CACNA2D3: variants seen among roughly 807,000 people sequenced by gnomAD.
The protein encoded by CACNA2D3 is voltage-dependent calcium channel subunit alpha-2/delta-3.
Under a neutral mutation model 160.6 loss-of-function variants are expected in CACNA2D3, and 60 were observed. The observed-to-expected ratio is 0.37, with a 90% CI of 0.30 to 0.46. CACNA2D3 has a LOEUF of 0.46. Ranked by LOEUF, CACNA2D3 falls within the 20% of genes least tolerant of loss-of-function variation. CACNA2D3 has a pLI of 1.00. For synonymous variants in CACNA2D3, 558 were observed against 492.9 expected (o/e 1.13, Z -1.75); for missense variants, 1,205 against 1,365.0 (o/e 0.88, Z 1.85).
chr3:54,491,812 C>A (rs1416968451), intron 4 of CACNA2D3, among the ~76,000 whole-genome samples: 15 of 152,136 alleles, frequency 9.9e-5, no homozygotes, highest in Admixed American at 9.8e-4. Flanking sequence ...CTGGATAGTT[C>A]TTTGCAGAAA....
intron 2 of CACNA2D3, among the ~76,000 whole-genome samples, chr3:54,232,667 G>T (rs564078403): frequency 6.6e-6 from 1 of 152,178 alleles, no homozygotes; most frequent in African/African-American, 2.4e-5. Flanking sequence ...GTTTTTCCCT[G>T]TGTGGCTCTT....
chr3:54,307,923 A>G (rs924951796), intron 2 of CACNA2D3, among the ~76,000 whole-genome samples: 4 of 152,212 alleles, frequency 2.6e-5, no homozygotes, highest in African/African-American at 9.6e-5. Context: ...TTGAGCTGGG[A>G]TTAAGGAAGT....
intron 29 of CACNA2D3, among the ~76,000 whole-genome samples, chr3:54,983,982 G>C (rs1702560269): frequency 6.6e-6 from 1 of 152,120 alleles, no homozygotes; most frequent in Non-Finnish European, 1.5e-5. Context: ...TTATAAGTCT[G>C]AGCTACCAAA....
At chr3:54,425,785 G>A (rs1400216987) in intron 4 of CACNA2D3, among the ~76,000 whole-genome samples, 1 of 152,220 alleles carries the variant, frequency 6.6e-6, no homozygotes, top group African/African-American at 2.4e-5. Flanking sequence ...GGCTAGAGAA[G>A]GGATGAGTTC....
intron 2 of CACNA2D3, among the ~76,000 whole-genome samples, chr3:54,303,818 G>GTTTTT (rs71617795): frequency 1.5e-4 from 17 of 115,000 alleles, no homozygotes; most frequent in East Asian, 2.5e-4. Context: ...CTTTTTTTCT[G>GTTTTT]TTTTTTTTTT....
chr3:54,691,174 C>A (rs925172287), intron 11 of CACNA2D3, among the ~76,000 whole-genome samples: 4 of 152,140 alleles, frequency 2.6e-5, no homozygotes, highest in African/African-American at 9.7e-5. Context: ...TGATGGCTCA[C>A]CCCTGTGTGA....
At chr3:54,575,602 T>C (rs1282411231) in intron 8 of CACNA2D3, among the ~76,000 whole-genome samples, 9 of 152,140 alleles carry the variant, frequency 5.9e-5, no homozygotes, top group Admixed American at 5.9e-4. Context: ...GTGTGAGCCT[T>C]GTTTGGGGGC....
Position 54,646,299 on chromosome 3 carries a change from GT to G in CACNA2D3, c.1167+4064del, listed in dbSNP as rs965441223. Among the ~76,000 whole-genome samples, 6 of 150,522 alleles carry G rather than the reference GT, an allele frequency of 4.0e-5. 1 individual carries two copies. Among genetic ancestry groups the G allele is most frequent in the Admixed American group, 6.6e-5 (1 of 15,050 alleles). ...TGGGATATATGTGCAGGTTGTGCAG[GT>G]TTTTTACATAGGTAAACATGTGCCA... On this transcript the variant is annotated intron_variant, in intron 11 of 37. Coordinates refer to ENST00000474759, the MANE Select transcript of CACNA2D3 (RefSeq NM_018398.3).
intron 16 of CACNA2D3, among the ~76,000 whole-genome samples, chr3:54,839,498 C>G (rs1050084462): frequency 1.3e-5 from 2 of 152,158 alleles, no homozygotes; most frequent in African/African-American, 4.8e-5. Flanking sequence ...ACGAAGGGCT[C>G]CACTGGCTGC....
chr3:54,386,694 GTTTTTTTTTTT>G lies in CACNA2D3; in HGVS notation c.322-13_322-3del. 7.1e-7 allele frequency: 1 copy of G among 1,407,598 alleles called. No homozygotes were observed. The highest frequency in any genetic ancestry group is 9.4e-7 in the Non-Finnish European group (1 of 1,067,418). The allele number at this position is 1,407,598 out of a possible 1,614,324, so 87.2% of individuals were successfully genotyped here. A position where few individuals can be genotyped will look rare whatever the true frequency, so the allele number is the denominator to read the frequency against. On this transcript the variant is annotated splice_polypyrimidine_tract_variant and intron_variant, in intron 3 of 37. Coordinates refer to ENST00000474759, the MANE Select transcript of CACNA2D3 (RefSeq NM_018398.3). Reference sequence around the variant, plus strand: ...ATTCTGATCCTTAATGCTGTCTTCTGTTTTTTTTTTTTTTTTTTAGCGTCTGGTGGAGGCTG... The same window carrying G: ...ATTCTGATCCTTAATGCTGTCTTCTGTTTTTTTAGCGTCTGGTGGAGGCTG...
chr3:54,512,862 C>T (rs1351819783), intron 5 of CACNA2D3, among the ~76,000 whole-genome samples: 2 of 152,288 alleles, frequency 1.3e-5, no homozygotes, highest in Middle Eastern at 3.4e-3. Flanking sequence ...GTTTAATGGA[C>T]TTACAGTTCC....
chr3:55,021,395 G>A (rs2107162278), intron 35 of CACNA2D3, among the ~76,000 whole-genome samples: 1 of 151,220 alleles, frequency 6.6e-6, no homozygotes, highest in East Asian at 1.9e-4. Flanking sequence ...CTTTCCTCTT[G>A]CCTCCTTCCC....
chr3:54,784,979 AG>A (rs1161880375), intron 13 of CACNA2D3, among the ~76,000 whole-genome samples: 2 of 152,196 alleles, frequency 1.3e-5, no homozygotes, highest in African/African-American at 2.4e-5. Context: ...ACTCTTGGGA[AG>A]GGGGCCAGAG....
intron 3 of CACNA2D3, among the ~76,000 whole-genome samples, chr3:54,371,358 A>G (rs1698923145): frequency 6.6e-6 from 1 of 152,222 alleles, no homozygotes; most frequent in South Asian, 2.1e-4. Flanking sequence ...GATATTTTAC[A>G]TAAGTGGGTT....
At chr3:54,688,979 CAAAAA>C (rs1162900126) in intron 11 of CACNA2D3, among the ~76,000 whole-genome samples, 521 of 31,278 alleles carry the variant, frequency 0.017, 5 homozygotes, top group African/African-American at 0.052. Context: ...GAGACTGTCT[CAAAAA>C]AAAAAAAAAA....
intron 27 of CACNA2D3, among the ~76,000 whole-genome samples, chr3:54,950,973 T>C (rs1038767182): frequency 1.3e-5 from 2 of 152,124 alleles, no homozygotes; most frequent in Non-Finnish European, 1.5e-5. Flanking sequence ...CAGTCCTGAG[T>C]CTTCTCACAC....
At chr3:54,310,400 C>T (rs775138443) in intron 2 of CACNA2D3, among the ~76,000 whole-genome samples, 2 of 152,084 alleles carry the variant, frequency 1.3e-5, no homozygotes, top group African/African-American at 2.4e-5. Context: ...AATAAGAAAA[C>T]GACGCTGTCT....
chr3:54,470,208 G>T (rs1307591165), intron 4 of CACNA2D3, among the ~76,000 whole-genome samples: 2 of 152,218 alleles, frequency 1.3e-5, no homozygotes, highest in Non-Finnish European at 2.9e-5. Flanking sequence ...ACAAAAGGAA[G>T]CCCATCAGAA....
chr3:54,353,626 G>A (rs576820591), intron 3 of CACNA2D3, among the ~76,000 whole-genome samples: 68 of 152,176 alleles, frequency 4.5e-4, no homozygotes, highest in Admixed American at 1.4e-3. Flanking sequence ...ATGCAGTAGC[G>A]CAGAGTAGTG....
Sources: allele counts gnomAD v4.1 joint callset (sites outside exome capture counted in the v4.1 genomes callset), GRCh38; gene constraint gnomAD v4.1.1; transcripts MANE v1.5; gene names NCBI Gene and HGNC (gene_info 2026-07-23, HGNC 2026-07-21).